SEMA3A: variants seen among roughly 807,000 people sequenced by gnomAD.
SEMA3A encodes the protein semaphorin-3A.
A neutral mutation model predicts 97.9 loss-of-function variants in SEMA3A; 29 were observed. The observed-to-expected ratio is 0.30, with a 90% CI of 0.22 to 0.40. SEMA3A has a LOEUF of 0.40. Among genes scored for constraint, SEMA3A ranks in the 10% least tolerant of loss-of-function variants. The probability of loss-of-function intolerance (pLI) is 1.00; values close to 1 mark genes in which losing one functional copy is unlikely to be tolerated. For synonymous variants in SEMA3A, 321 were observed against 323.7 expected (o/e 0.99, Z 0.09); for missense variants, 763 against 951.3 (o/e 0.80, Z 2.60).
At chr7:84,169,110 C>T (rs1440671164) in intron 1 of SEMA3A, among the ~76,000 whole-genome samples, 2 of 151,378 alleles carry the variant, frequency 1.3e-5, no homozygotes, top group Non-Finnish European at 3.0e-5. Flanking sequence ...CTATATTGTC[C>T]CCAAATATAT....
intron 2 of SEMA3A, among the ~76,000 whole-genome samples, chr7:84,369,151 C>T (rs1802917863): frequency 6.6e-6 from 1 of 150,876 alleles, no homozygotes; most frequent in South Asian, 2.1e-4. Flanking sequence ...ATCTGGAGTC[C>T]AGGCAAAACT....
intron 1 of SEMA3A, among the ~76,000 whole-genome samples, chr7:84,424,813 T>A (rs1223680291): frequency 7.0e-5 from 7 of 100,660 alleles, no homozygotes; most frequent in African/African-American, 2.8e-4. Flanking sequence ...CAAATATACA[T>A]ATATAATATA....
intron 3 of SEMA3A, among the ~76,000 whole-genome samples, chr7:84,271,464 A>G (rs1334535849): frequency 6.6e-6 from 1 of 152,162 alleles, no homozygotes; most frequent in Admixed American, 6.6e-5. Context: ...AGCCTCCCTC[A>G]GGTCACTATT....
At chr7:83,994,247 T>A (rs1387198092) in intron 12 of SEMA3A, among the ~76,000 whole-genome samples, 1 of 99,928 alleles carries the variant, frequency 1.0e-5, no homozygotes, top group Non-Finnish European at 2.0e-5. Context: ...TCAACTTCTT[T>A]GCCTTTGGTT....
At chr7:84,120,489 T>C (rs1795576157) in intron 3 of SEMA3A, among the ~76,000 whole-genome samples, 2 of 152,198 alleles carry the variant, frequency 1.3e-5, no homozygotes, top group East Asian at 1.9e-4. Flanking sequence ...TTCTGAAGGC[T>C]ACAGTTAAAC....
chr7:84,114,676 T>G (rs1795373716), intron 3 of SEMA3A, among the ~76,000 whole-genome samples: 1 of 152,162 alleles, frequency 6.6e-6, no homozygotes. Context: ...GGAATCTTCG[T>G]GCCAAAGCAG....
At chr7:84,293,506 T>A (rs1314071503) in intron 3 of SEMA3A, among the ~76,000 whole-genome samples, 1 of 152,042 alleles carries the variant, frequency 6.6e-6, no homozygotes, top group African/African-American at 2.4e-5. Context: ...AAGTATCAAA[T>A]TAATTTTCAG....
chr7:84,487,970 T>A (rs1806619159), intron 1 of SEMA3A, among the ~76,000 whole-genome samples: 1 of 152,102 alleles, frequency 6.6e-6, no homozygotes, highest in Admixed American at 6.6e-5. Context: ...GTTCATTCCA[T>A]TTGTCTTGCG....
At chr7:84,469,939 A>C (rs1379821206) in intron 1 of SEMA3A, among the ~76,000 whole-genome samples, 1 of 151,828 alleles carries the variant, frequency 6.6e-6, no homozygotes, top group South Asian at 2.1e-4. Context: ...AACACTTAAT[A>C]AAATATGAAA....
intron 3 of SEMA3A, among the ~76,000 whole-genome samples, chr7:84,124,364 T>C (rs1238590481): frequency 6.6e-6 from 1 of 151,926 alleles, no homozygotes; most frequent in Non-Finnish European, 1.5e-5. Flanking sequence ...AGTAAGGAGG[T>C]TGTTTGTTTA....
At chr7:84,411,452 T>A (rs1804262981) in intron 1 of SEMA3A, among the ~76,000 whole-genome samples, 1 of 152,012 alleles carries the variant, frequency 6.6e-6, no homozygotes, top group Non-Finnish European at 1.5e-5. Flanking sequence ...TTACTTCCAT[T>A]ATGGTGTTTC....
intron 1 of SEMA3A, among the ~76,000 whole-genome samples, chr7:84,157,327 AAATACCATACT>A (rs1411220447): frequency 6.6e-6 from 1 of 152,160 alleles, no homozygotes; most frequent in African/African-American, 2.4e-5. Flanking sequence ...ACATCCTTTG[AAATACCATACT>A]TCATTGTTGA....
At chr7:84,258,324 C>T (rs1799762605) in intron 3 of SEMA3A, among the ~76,000 whole-genome samples, 1 of 152,094 alleles carries the variant, frequency 6.6e-6, no homozygotes, top group Non-Finnish European at 1.5e-5. Flanking sequence ...ACCTCACTTC[C>T]TATGTATAAT....
intron 6 of SEMA3A, among the ~76,000 whole-genome samples, chr7:84,023,973 C>G (rs1354635828): frequency 6.8e-6 from 1 of 146,910 alleles, no homozygotes; most frequent in Non-Finnish European, 1.5e-5. Context: ...GATCGCGCCA[C>G]TGCACTCTAG....
At chr7:84,110,611 A>G in intron 3 of SEMA3A, 22 bp from the exon 4 acceptor site, 3 of 1,612,252 alleles carry the variant, frequency 1.9e-6, no homozygotes, top group Non-Finnish European at 2.5e-6. Flanking sequence ...AAGGAAAACC[A>G]AAGAGTTTCA....
At chr7:84,152,290 C>G (rs574752164) in intron 1 of SEMA3A, among the ~76,000 whole-genome samples, 2,657 of 138,358 alleles carry the variant, frequency 0.019, 32 homozygotes, top group African/African-American at 0.041. Flanking sequence ...TTGGAACCAA[C>G]CCAAATGTCC....
intron 16 of SEMA3A, 60 bp downstream of exon 16, chr7:83,963,145 A>C: frequency 6.4e-7 from 1 of 1,565,180 alleles, no homozygotes; most frequent in Admixed American, 1.7e-5. Flanking sequence ...GAAAAATACA[A>C]GGATTACATT....
At chr7:84,147,665 T>C (rs887292233) in intron 1 of SEMA3A, among the ~76,000 whole-genome samples, 1 of 152,186 alleles carries the variant, frequency 6.6e-6, no homozygotes, top group South Asian at 2.1e-4. Context: ...ACTGAATGAA[T>C]GAGTAAATGA....
chr7:84,321,456 A>G (rs779961225), intron 2 of SEMA3A, among the ~76,000 whole-genome samples: 5 of 152,214 alleles, frequency 3.3e-5, no homozygotes, highest in Admixed American at 2.0e-4. Context: ...AGTAAAATAC[A>G]CATGATCTAA....
Sources: allele counts gnomAD v4.1 joint callset (sites outside exome capture counted in the v4.1 genomes callset), GRCh38; gene constraint gnomAD v4.1.1; transcripts MANE v1.5; gene names NCBI Gene and HGNC (gene_info 2026-07-23, HGNC 2026-07-21).